Variants in FGD4 observed in about 807,000 individuals in gnomAD.
FGD4 encodes FYVE, RhoGEF and PH domain containing 4, also known as FYVE, RhoGEF and PH domain-containing protein 4.
FGD4 carries 42 observed loss-of-function variants against 102.0 expected under a neutral mutation model. That is an observed-to-expected ratio of 0.41 (90% confidence interval 0.32 to 0.53). The LOEUF (loss-of-function observed/expected upper bound fraction) is 0.53. Among genes scored for constraint, FGD4 ranks in the 20% least tolerant of loss-of-function variants. FGD4 has a pLI of 0.21. For synonymous variants in FGD4, 380 were observed against 375.7 expected (o/e 1.01, Z -0.13); for missense variants, 902 against 1,078.2 (o/e 0.84, Z 2.29).
intron 1 of FGD4, among the ~76,000 whole-genome samples, chr12:32,538,258 C>G (rs1301239708): frequency 6.6e-6 from 1 of 152,132 alleles, no homozygotes; most frequent in Non-Finnish European, 1.5e-5. Flanking sequence ...GTGGTGTTCA[C>G]TGCTATGTTC....
intron 1 of FGD4, among the ~76,000 whole-genome samples, chr12:32,524,655 A>T (rs2136769223): frequency 6.6e-6 from 1 of 152,048 alleles, no homozygotes; most frequent in South Asian, 2.1e-4. Context: ...GGAGACTCTG[A>T]CTCTACAAAA....
chr12:32,615,899 A>G (rs1417333179), intron 10 of FGD4, among the ~76,000 whole-genome samples: 1 of 152,074 alleles, frequency 6.6e-6, no homozygotes, highest in African/African-American at 2.4e-5. Flanking sequence ...TGTTTAATAC[A>G]GGGGGTGACT....
At position 32,586,566 on chromosome 12, in the gene FGD4, CAT is replaced by C. The variant is rs141755733; in HGVS notation, c.1011+4100_1011+4101del. Among the ~76,000 whole-genome samples, 667 of 152,260 alleles carry C rather than the reference CAT, an allele frequency of 4.4e-3. 6 individuals are homozygous for C. The highest frequency in any genetic ancestry group is 0.015 in the African/African-American group (609 of 41,538). ...AAAGCATGGAAGTGACATGATGACA[CAT>C]GTGTGGGTTTTTGAAAAATGAGTCA... On this transcript the variant is annotated intron_variant, in intron 4 of 16. Transcript: ENST00000534526.
intron 1 of FGD4, among the ~76,000 whole-genome samples, chr12:32,433,533 C>G (rs1942122990): frequency 1.3e-5 from 2 of 151,820 alleles, no homozygotes; most frequent in African/African-American, 4.8e-5. Flanking sequence ...GACGGGGTTT[C>G]ACCATGTTGG....
At chr12:32,527,302 T>G (rs7966856) in intron 1 of FGD4, among the ~76,000 whole-genome samples, 124,670 of 152,198 alleles carry the variant, frequency 0.82, 51,601 homozygotes, top group Middle Eastern at 0.94. Flanking sequence ...AGGGTGTCTA[T>G]CAGGGAGCCT....
intron 2 of FGD4, among the ~76,000 whole-genome samples, chr12:32,575,322 G>A (rs1379241858): frequency 6.6e-6 from 1 of 152,120 alleles, no homozygotes; most frequent in Non-Finnish European, 1.5e-5. Flanking sequence ...AGAGCCTCAG[G>A]CTGCTTCCAT....
intron 1 of FGD4, among the ~76,000 whole-genome samples, chr12:32,531,002 AGTGCAGT>A (rs1941757677): frequency 8.9e-6 from 1 of 112,160 alleles, no homozygotes; most frequent in Non-Finnish European, 1.6e-5. Context: ...GCCAGGCTGG[AGTGCAGT>A]GGTGCGATCG....
chr12:32,508,850 C>T (rs1939056915), intron 1 of FGD4, among the ~76,000 whole-genome samples: 1 of 152,246 alleles, frequency 6.6e-6, no homozygotes, highest in African/African-American at 2.4e-5. Context: ...ATTCCCACTA[C>T]AGAGCACATG....
At chr12:32,474,549 A>G (rs1943536877) in intron 1 of FGD4, among the ~76,000 whole-genome samples, 1 of 152,174 alleles carries the variant, frequency 6.6e-6, no homozygotes, top group South Asian at 2.1e-4. Flanking sequence ...AAATCTATAG[A>G]CAGAAAGATT....
intron 11 of FGD4, among the ~76,000 whole-genome samples, chr12:32,622,902 C>T (rs535013050): frequency 8.5e-5 from 13 of 152,186 alleles, no homozygotes; most frequent in African/African-American, 2.9e-4. Context: ...CTATCATGCT[C>T]TTTTAAGAAT....
intron 1 of FGD4, among the ~76,000 whole-genome samples, chr12:32,520,475 G>A (rs1022831076): frequency 1.3e-4 from 18 of 141,446 alleles, no homozygotes; most frequent in South Asian, 2.2e-4. Context: ...TCGCTCTGTC[G>A]CCCAGGCTGG....
chr12:32,590,181 G>A (rs749671498), intron 4 of FGD4, among the ~76,000 whole-genome samples: 3 of 151,686 alleles, frequency 2.0e-5, no homozygotes, highest in African/African-American at 4.8e-5. Flanking sequence ...GGTGGCAGGC[G>A]CCTATAATCC....
At chr12:32,595,402 G>A (rs1482668320) in intron 4 of FGD4, among the ~76,000 whole-genome samples, 1 of 152,108 alleles carries the variant, frequency 6.6e-6, no homozygotes, top group Non-Finnish European at 1.5e-5. Context: ...TCATTCCTGT[G>A]GTAATGGAAT....
At chr12:32,601,535 A>AT in intron 6 of FGD4, 112 bp downstream of exon 6, 3 of 1,285,938 alleles carry the variant, frequency 2.3e-6, no homozygotes, top group Non-Finnish European at 3.2e-6. Flanking sequence ...TTTATGCTAA[A>AT]TTTTTACATT....
intron 1 of FGD4, among the ~76,000 whole-genome samples, chr12:32,447,862 C>T (rs1475185934): frequency 1.3e-5 from 2 of 152,218 alleles, no homozygotes; most frequent in Non-Finnish European, 2.9e-5. Context: ...TCACACATAG[C>T]AGGCACTCAA....
In FGD4 at chr12:32,611,327, A is replaced by T. The variant is rs1949120361; in HGVS notation, c.1749+44A>T. ...GCAAGTCATATAAGAATTATATATA[A>T]AAATATGGCTGGGCACGGTGGCTCA... On this transcript the variant is annotated intron_variant, in intron 10 of 16. Coordinates refer to ENST00000534526, the MANE Select transcript of FGD4 (RefSeq NM_001370298.3). 2.5e-6 allele frequency: 4 copies of T among 1,610,636 alleles called. No homozygotes were observed. In the South Asian group the frequency reaches 3.3e-5, roughly 13 times the overall value.
chr12:32,412,565 C>A (rs954005288), intron 1 of FGD4, among the ~76,000 whole-genome samples: 2 of 152,102 alleles, frequency 1.3e-5, no homozygotes, highest in Non-Finnish European at 2.9e-5. Flanking sequence ...TTGCTTGAAC[C>A]CAGAAGTTCA....
chr12:32,623,462 C>T (rs986289207), intron 11 of FGD4, among the ~76,000 whole-genome samples: 1 of 152,142 alleles, frequency 6.6e-6, no homozygotes, highest in African/African-American at 2.4e-5. Context: ...CCTGGCACAT[C>T]ATGGTGTTCA....
intron 4 of FGD4, among the ~76,000 whole-genome samples, chr12:32,592,164 C>T (rs1947535829): frequency 6.6e-6 from 1 of 151,686 alleles, no homozygotes; most frequent in South Asian, 2.1e-4. Context: ...CTCACTGTAG[C>T]CTCCGCTTCC....
Sources: gnomAD v4.1 joint callset for allele counts (sites outside exome capture counted in the v4.1 genomes callset) on GRCh38, gnomAD v4.1.1 for gene constraint, MANE v1.5 for transcripts, NCBI Gene and HGNC (gene_info 2026-07-23, HGNC 2026-07-21) for gene names.